GRIN2A: variants seen among roughly 807,000 people sequenced by gnomAD.
GRIN2A encodes glutamate ionotropic receptor NMDA type subunit 2A, also known as glutamate receptor ionotropic, NMDA 2A.
Under a neutral mutation model 113.4 loss-of-function variants are expected in GRIN2A, and 22 were observed. The observed-to-expected ratio is 0.19, with a 90% CI of 0.14 to 0.28. The LOEUF (loss-of-function observed/expected upper bound fraction) is 0.28. Ranked by LOEUF, GRIN2A falls within the 10% of genes least tolerant of loss-of-function variation. The pLI is 1.00. For missense variants in GRIN2A, 1,502 were observed against 1,887.0 expected (o/e 0.80, Z 3.78); for synonymous variants, 827 against 738.4 (o/e 1.12, Z -1.94).
At chr16:10,019,556 T>C (rs2046677828) in intron 2 of GRIN2A, among the ~76,000 whole-genome samples, 1 of 152,260 alleles carries the variant, frequency 6.6e-6, no homozygotes, top group African/African-American at 2.4e-5. Context: ...GCATTCCTTG[T>C]ACATAAACAA....
intron 10 of GRIN2A, among the ~76,000 whole-genome samples, chr16:9,818,405 G>T (rs1018581103): frequency 6.6e-6 from 1 of 150,550 alleles, no homozygotes; most frequent in African/African-American, 2.4e-5. Context: ...AAAGAATGAT[G>T]AAAGACTTTT....
intron 3 of GRIN2A, among the ~76,000 whole-genome samples, chr16:9,892,156 G>A (rs572963760): frequency 3.6e-4 from 55 of 152,220 alleles, no homozygotes; most frequent in Middle Eastern, 6.8e-3. Context: ...GCTTGAACCC[G>A]GGAAGCAGAA....
At position 10,180,381 on chromosome 16, in the gene GRIN2A, C is replaced by T. The variant is rs769657047; in HGVS notation, c.31G>A (p.Val11Met). 6.2e-7 allele frequency: 1 copy of T among 1,607,540 alleles called. No individual in the cohort carries two copies. Among genetic ancestry groups the T allele is most frequent in the Non-Finnish European group, 8.5e-7 (1 of 1,179,862 alleles). MGRVGYWTLL[V>M]LPALLVWRGP... is the part of the protein sequence containing the mutation. ...CGCCAGACCAGAAGGGCCGGCAGCA[C>T]CAGCAGGGTCCAATAGCCCACTCTG... Residue 11 changes from valine to methionine, a missense_variant, in exon 2 of 13, where the codon GTG becomes ATG. By Grantham distance (21) the Val-to-Met change is conservative. Coordinates refer to ENST00000330684, the MANE Select transcript of GRIN2A (RefSeq NM_001134407.3). This position sits in a 1 kb window ranked among gnomAD's most constrained non-coding sequence, Gnocchi z 7.0.
In GRIN2A at chr16:10,104,916, G is replaced by A. The variant is rs187039560; in HGVS notation, c.414+75082C>T. ...CAAAATAAGACACCTGAAACTCCACGATATGATAAATGATATGACAACAGG... is the reference window on the plus strand; with the variant it reads ...CAAAATAAGACACCTGAAACTCCACAATATGATAAATGATATGACAACAGG... On this transcript the variant is annotated intron_variant, in intron 2 of 12. Coordinates refer to ENST00000330684, the MANE Select transcript of GRIN2A (RefSeq NM_001134407.3). Among the ~76,000 whole-genome samples, 47 of 152,254 alleles carry A rather than the reference G, an allele frequency of 3.1e-4. 1 individual carries two copies. Among genetic ancestry groups the A allele is most frequent in the Non-Finnish European group, 5.4e-4 (37 of 68,012 alleles).
intron 2 of GRIN2A, chr16:10,111,965 A>T: frequency 1.4e-6 from 1 of 716,548 alleles, no homozygotes; most frequent in Non-Finnish European, 2.5e-6. Flanking sequence ...ATGACATTGA[A>T]ACAGGCAAAT....
intron 2 of GRIN2A, among the ~76,000 whole-genome samples, chr16:10,154,889 A>C (rs1282256534): frequency 1.3e-5 from 2 of 152,220 alleles, no homozygotes; most frequent in African/African-American, 4.8e-5. Flanking sequence ...GGTTTTTGTC[A>C]TATTTTATCA....
intron 10 of GRIN2A, among the ~76,000 whole-genome samples, chr16:9,815,868 G>C (rs965697646): frequency 6.6e-6 from 1 of 152,244 alleles, no homozygotes. Context: ...GACAACTCAA[G>C]TGTCCATTGA....
intron 2 of GRIN2A, among the ~76,000 whole-genome samples, chr16:10,169,714 A>G (rs536074780): frequency 1.3e-5 from 2 of 152,294 alleles, no homozygotes; most frequent in South Asian, 4.1e-4. Flanking sequence ...TAAGCAAAAA[A>G]CTGAATGTCT....
chr16:9,960,686 A>G (rs1172529857), intron 2 of GRIN2A, among the ~76,000 whole-genome samples: 1 of 152,216 alleles, frequency 6.6e-6, no homozygotes, highest in East Asian at 1.9e-4. Flanking sequence ...GTGCAATGGC[A>G]TGATCTCAGC....
intron 2 of GRIN2A, among the ~76,000 whole-genome samples, chr16:10,003,945 G>A (rs1567228884): frequency 6.6e-6 from 1 of 152,104 alleles, no homozygotes; most frequent in Non-Finnish European, 1.5e-5. Context: ...CTATTTTACT[G>A]TGTCTCTCCT....
rs1396647710 is a variant in GRIN2A at position 9,754,214 on chromosome 16, TTCTGCCAATTAATTCAGCAGGTTTA to T, written c.*8910_*8934del. ...CTGGGGTGATATAAACTATGGTGAA[TTCTGCCAATTAATTCAGCAGGTTTA>T]TGCTTTTAAATTTGTTTTGGCAGGG... is the stretch of plus-strand genomic sequence containing the variant. On this transcript the variant is annotated 3_prime_UTR_variant, in exon 13 of 13. Coordinates refer to ENST00000330684, the MANE Select transcript of GRIN2A (RefSeq NM_001134407.3). The T allele has an allele frequency of 2.6e-5, 5 of 191,502 alleles. No homozygotes were observed. The highest frequency in any genetic ancestry group is 9.3e-5 in the African/African-American group (4 of 43,050). 11.9% of individuals were successfully genotyped at this position (191,502 alleles called of 1,614,324 possible). A position where few individuals can be genotyped will look rare whatever the true frequency, so the allele number is the denominator to read the frequency against.
intron 4 of GRIN2A, among the ~76,000 whole-genome samples, chr16:9,872,411 T>C (rs1567361525): frequency 6.6e-6 from 1 of 152,186 alleles, no homozygotes; most frequent in African/African-American, 2.4e-5. Context: ...TCTCTTGGCA[T>C]TGATTTTGTA....
chr16:10,145,869 T>C (rs189695135), intron 2 of GRIN2A, among the ~76,000 whole-genome samples: 5 of 152,296 alleles, frequency 3.3e-5, no homozygotes, highest in Admixed American at 2.0e-4. Context: ...CCATAGTTTA[T>C]AGATCCGTAA....
intron 4 of GRIN2A, among the ~76,000 whole-genome samples, chr16:9,885,692 T>A (rs2043573684): frequency 6.6e-6 from 1 of 152,046 alleles, no homozygotes; most frequent in Non-Finnish European, 1.5e-5. Flanking sequence ...GTCTTTCCCC[T>A]CTGCTGACCT....
chr16:10,059,250 G>A (rs557873762), intron 2 of GRIN2A, among the ~76,000 whole-genome samples: 2 of 151,440 alleles, frequency 1.3e-5, no homozygotes, highest in South Asian at 2.1e-4. Flanking sequence ...TGGAAGCAGT[G>A]TATGCAGGGG....
intron 2 of GRIN2A, among the ~76,000 whole-genome samples, chr16:9,951,404 C>T (rs750489423): frequency 2.6e-5 from 4 of 152,188 alleles, no homozygotes; most frequent in Non-Finnish European, 5.9e-5. Context: ...TATCATCTGC[C>T]CCTTTAACAG....
At chr16:9,915,933 G>A (rs149832602) in intron 3 of GRIN2A, among the ~76,000 whole-genome samples, 342 of 152,312 alleles carry the variant, frequency 2.2e-3, no homozygotes, top group African/African-American at 7.8e-3. Context: ...GCTAATTACT[G>A]TAGATGTGAT....
chr16:10,000,978 C>T (rs2046310660), intron 2 of GRIN2A, among the ~76,000 whole-genome samples: 1 of 152,170 alleles, frequency 6.6e-6, no homozygotes, highest in African/African-American at 2.4e-5. Flanking sequence ...AATGACTCTC[C>T]ATCCCTGAGA....
chr16:10,034,426 G>A (rs2046986076), intron 2 of GRIN2A, among the ~76,000 whole-genome samples: 1 of 150,962 alleles, frequency 6.6e-6, no homozygotes, highest in Admixed American at 6.6e-5. Flanking sequence ...TCGGGAGGCT[G>A]AGGCAGGAGA....
Sources: gnomAD v4.1 joint callset for allele counts (sites outside exome capture counted in the v4.1 genomes callset) on GRCh38, gnomAD v4.1.1 for gene constraint, Gnocchi (gnomAD v3.1) non-coding constraint, MANE v1.5 for transcripts, NCBI Gene and HGNC (gene_info 2026-07-23, HGNC 2026-07-21) for gene names.